The following TWIST2 variants were observed in gnomAD, a reference collection of about 807,000 sequenced individuals.
The protein encoded by TWIST2 is twist-related protein 2.
Under a neutral mutation model 11.6 loss-of-function variants are expected in TWIST2, and 1 was observed. The observed-to-expected ratio is 0.09, with a 90% CI of 0.03 to 0.41. TWIST2 has a LOEUF of 0.41. Among genes scored for constraint, TWIST2 ranks in the 10% least tolerant of loss-of-function variants. TWIST2 has a pLI of 0.98. For synonymous variants in TWIST2, 87 were observed against 96.6 expected (o/e 0.90, Z 0.58); for missense variants, 168 against 226.4 (o/e 0.74, Z 1.66).
At chr2:238,880,385 ATGTTAG>A (rs1379706462) in intron 1 of TWIST2, among the ~76,000 whole-genome samples, 38 of 128,902 alleles carry the variant, frequency 2.9e-4, no homozygotes, top group Admixed American at 1.7e-3. Context: ...ATTAGTATTA[ATGTTAG>A]TGTTAGTATT....
chr2:238,850,004 C>G (rs1394644315), intron 1 of TWIST2, among the ~76,000 whole-genome samples: 1 of 152,232 alleles, frequency 6.6e-6, no homozygotes, highest in Non-Finnish European at 1.5e-5. Flanking sequence ...ACCCGGCCGC[C>G]TATTCTCCCA....
chr2:238,899,299 G>A (rs1693242269), intron 1 of TWIST2, among the ~76,000 whole-genome samples: 1 of 152,250 alleles, frequency 6.6e-6, no homozygotes, highest in African/African-American at 2.4e-5. Flanking sequence ...TCTAGACCCA[G>A]TTGGGGAAGA....
At chr2:238,870,177 C>T (rs1400697794) in intron 1 of TWIST2, among the ~76,000 whole-genome samples, 2 of 63,486 alleles carry the variant, frequency 3.2e-5, no homozygotes, top group Non-Finnish European at 3.2e-5. Context: ...CCACACACCC[C>T]ACACACACAT....
At chr2:238,868,065 G>A (rs1692575433) in intron 1 of TWIST2, among the ~76,000 whole-genome samples, 1 of 152,230 alleles carries the variant, frequency 6.6e-6, no homozygotes. Context: ...CAGTTAGGAA[G>A]GTGGCTGGCA....
In TWIST2 at chr2:238,866,847, A is replaced by G. The variant is rs1303202258; in HGVS notation, c.*35+18114A>G. 2.0e-5 allele frequency among the ~76,000 whole-genome samples: 3 copies of G among 151,930 alleles called. No individual in the cohort carries two copies. Among genetic ancestry groups the G allele is most frequent in the African/African-American group, 4.8e-5 (2 of 41,360 alleles). On this transcript the variant is annotated intron_variant, in intron 1 of 1. Transcript: ENST00000612363. The surrounding 1 kb of genome is among the most constrained non-coding windows in gnomAD (Gnocchi z 4.9). The stretch of plus-strand genomic sequence containing the variant: ...ATCCCCTAGCGGCCTGGCAGCTGCG[A>G]CGGTTTGTCTGCCTGTCACCCCGGG...
rs766264355 is a variant in TWIST2, at chr2:238,848,488, G to A, written c.273G>A (p.Lys91=). ...ACGAGGCCTTCGCGGCGCTGCGCAA[G>A]ATCATCCCCACGCTGCCCTCTGACA... ...SLNEAFAALR[K]IIPTLPSDKL... Residue 91 remains lysine, a synonymous_variant, in exon 1 of 2, where the codon AAG becomes AAA. Coordinates refer to ENST00000612363, the MANE Select transcript of TWIST2 (RefSeq NM_001271893.4). The A allele has an allele frequency of 6.3e-7, 1 of 1,582,030 alleles. No individual in the cohort carries two copies. Among genetic ancestry groups the A allele is most frequent in the Non-Finnish European group, 8.6e-7 (1 of 1,165,898 alleles).
rs1014684455 is a variant in TWIST2 at position 238,905,794 on chromosome 2, A to G, written c.*36-4048A>G. On this transcript the variant is annotated intron_variant, in intron 1 of 1. Coordinates refer to ENST00000612363, the MANE Select transcript of TWIST2 (RefSeq NM_001271893.4). ...AGCCTTTGACTTTCTGCCCAGGACC[A>G]CTTAAAAAAGGCTTAAATATTTGGA... Among the ~76,000 whole-genome samples the G allele has an allele frequency of 9.9e-5, 15 of 152,200 alleles. No homozygotes were observed. In the South Asian group the frequency reaches 2.9e-3, roughly 29 times the overall value.
intron 1 of TWIST2, among the ~76,000 whole-genome samples, chr2:238,885,447 G>C (rs1477112037): frequency 6.6e-6 from 1 of 152,230 alleles, no homozygotes; most frequent in Admixed American, 6.5e-5. Context: ...TGATGAGTCT[G>C]CTATTTCTTG....
intron 1 of TWIST2, among the ~76,000 whole-genome samples, chr2:238,906,023 C>G (rs966244751): frequency 4.0e-4 from 61 of 152,212 alleles, no homozygotes; most frequent in African/African-American, 1.3e-3. Flanking sequence ...GGTTTTCATA[C>G]GCATGGGTTT....
intron 1 of TWIST2, among the ~76,000 whole-genome samples, chr2:238,865,422 G>T (rs552406773): frequency 2.0e-5 from 3 of 152,200 alleles, no homozygotes; most frequent in Non-Finnish European, 4.4e-5. Context: ...ACCTGTTGGC[G>T]TTCCTACACC....
intron 1 of TWIST2, among the ~76,000 whole-genome samples, chr2:238,870,583 ACACACCACACACC>A: frequency 1.1e-5 from 1 of 88,122 alleles, no homozygotes; most frequent in African/African-American, 4.7e-5. Flanking sequence ...CACCACACAC[ACACACCACACACC>A]CCACACACAC....
At chr2:238,900,541 G>A (rs976893086) in intron 1 of TWIST2, among the ~76,000 whole-genome samples, 1,668 of 152,308 alleles carry the variant, frequency 0.011, 14 homozygotes, top group Non-Finnish European at 0.018. Flanking sequence ...CTTTCCTTTG[G>A]ACAGAAGGCA....
intron 1 of TWIST2, among the ~76,000 whole-genome samples, chr2:238,853,448 G>GGAGAGAGA (rs375821278): frequency 0.025 from 3,258 of 130,632 alleles, 66 homozygotes; most frequent in Non-Finnish European, 0.035. Flanking sequence ...AGGGAGAGAT[G>GGAGAGAGA]GAGAGAGAGA....
intron 1 of TWIST2, among the ~76,000 whole-genome samples, chr2:238,905,874 T>C (rs1161597323): frequency 3.3e-3 from 196 of 59,724 alleles, no homozygotes; most frequent in South Asian, 6.6e-3. Context: ...TGCGTGCGTG[T>C]GTGTGCATGT....
intron 1 of TWIST2, among the ~76,000 whole-genome samples, chr2:238,852,100 C>T (rs1181792782): frequency 6.6e-6 from 1 of 151,886 alleles, no homozygotes; most frequent in Non-Finnish European, 1.5e-5. Context: ...GTAGACGGCA[C>T]AGATGCCGGA....
At chr2:238,851,383 T>A (rs948642537) in intron 1 of TWIST2, among the ~76,000 whole-genome samples, 4 of 152,200 alleles carry the variant, frequency 2.6e-5, no homozygotes, top group Non-Finnish European at 5.9e-5. Flanking sequence ...CAAAAGGATT[T>A]TTTTAGTATT....
At chr2:238,873,316 G>A (rs955743809) in intron 1 of TWIST2, among the ~76,000 whole-genome samples, 1 of 152,132 alleles carries the variant, frequency 6.6e-6, no homozygotes, top group Non-Finnish European at 1.5e-5. Context: ...GGGAGGGCAG[G>A]CAGGAAACAC....
chr2:238,882,572 G>C (rs535792152), intron 1 of TWIST2, among the ~76,000 whole-genome samples: 1 of 152,028 alleles, frequency 6.6e-6, no homozygotes, highest in African/African-American at 2.4e-5. Flanking sequence ...CCTTGACTCC[G>C]ATTGGCCTCC....
rs1300465454 is a variant in TWIST2, at chr2:238,903,052, ATG to A, written c.*36-6781_*36-6780del. ...GTGTGTGATGTGTGAGGTGTGTGTG[ATG>A]TGTGTGTGATGTAGTGTGTGTGATG... On this transcript the variant is annotated intron_variant, in intron 1 of 1. Transcript: ENST00000612363. Among the ~76,000 whole-genome samples, 66 of 84,030 alleles carry A rather than the reference ATG, an allele frequency of 7.9e-4. 3 individuals carry two copies. The highest frequency in any genetic ancestry group is 1.4e-3 in the Non-Finnish European group (63 of 44,450). 55.1% of individuals were successfully genotyped at this position (84,030 alleles called of 152,430 possible).
Sources: allele counts gnomAD v4.1 joint callset (sites outside exome capture counted in the v4.1 genomes callset), GRCh38; gene constraint gnomAD v4.1.1; non-coding constraint Gnocchi (gnomAD v3.1); transcripts MANE v1.5; gene names NCBI Gene and HGNC (gene_info 2026-07-23, HGNC 2026-07-21).